ARHGAP31: variants seen among roughly 807,000 people sequenced by gnomAD.
ARHGAP31 encodes the protein Rho GTPase activating protein 31.
Under a neutral mutation model 113.9 loss-of-function variants are expected in ARHGAP31, and 34 were observed. That is an observed-to-expected ratio of 0.30 (90% CI 0.23 to 0.40). ARHGAP31 has a LOEUF of 0.40. ARHGAP31 is among the 10% of genes least tolerant of loss of function. The probability of loss-of-function intolerance (pLI) is 1.00; values close to 1 mark genes in which losing one functional copy is unlikely to be tolerated. For missense variants in ARHGAP31, 1,548 were observed against 1,767.1 expected (o/e 0.88, Z 2.22); for synonymous variants, 650 against 684.8 (o/e 0.95, Z 0.79).
At position 119,420,644 on chromosome 3, in the gene ARHGAP31, C is replaced by T. The variant is rs1488139196; in HGVS notation, c.*4380C>T. ...GTATTTTACTGGATAAATCACAATG[C>T]TTTGCAATAACTTAATGTCATAGTA... On this transcript the variant is annotated 3_prime_UTR_variant, in exon 12 of 12. Transcript: ENST00000264245. 1 of 152,182 alleles carries T rather than the reference C, an allele frequency of 6.6e-6. No individual in the cohort carries two copies. Among genetic ancestry groups the T allele is most frequent in the Non-Finnish European group, 1.5e-5 (1 of 68,028 alleles). The allele number at this position is 152,182 out of a possible 1,614,324, so 9.4% of individuals were successfully genotyped here.
At chr3:119,330,087 A>G (rs552611924) in intron 1 of ARHGAP31, 3 of 867,666 alleles carry the variant, frequency 3.5e-6, no homozygotes, top group Non-Finnish European at 2.8e-6. Flanking sequence ...GTTTGAACTG[A>G]TCTAATCACC....
intron 1 of ARHGAP31, among the ~76,000 whole-genome samples, chr3:119,331,935 G>A (rs1225580056): frequency 6.6e-6 from 1 of 152,116 alleles, no homozygotes; most frequent in Non-Finnish European, 1.5e-5. Flanking sequence ...CTTAGGTGAA[G>A]AGCTCCACGG....
At chr3:119,363,166 T>C (rs1408245976) in intron 1 of ARHGAP31, among the ~76,000 whole-genome samples, 6 of 152,084 alleles carry the variant, frequency 3.9e-5, no homozygotes, top group Admixed American at 3.3e-4. Context: ...TGAGGTGTGG[T>C]GGGGAAAGAG....
intron 6 of ARHGAP31, among the ~76,000 whole-genome samples, chr3:119,388,270 G>A (rs985598866): frequency 7.6e-6 from 1 of 130,790 alleles, no homozygotes; most frequent in Admixed American, 7.4e-5. Context: ...ACACACAGTG[G>A]CATATATGTA....
At chr3:119,340,334 G>T (rs1204159218) in intron 1 of ARHGAP31, among the ~76,000 whole-genome samples, 2 of 152,200 alleles carry the variant, frequency 1.3e-5, no homozygotes, top group African/African-American at 4.8e-5. Context: ...TGATGCCAAT[G>T]GCTGTCTCTT....
chr3:119,354,486 GTGTGTGTGTGTGTGTGTGTGGTTTTTA>G (rs1389563834), intron 1 of ARHGAP31, among the ~76,000 whole-genome samples: 2 of 151,056 alleles, frequency 1.3e-5, no homozygotes, highest in African/African-American at 4.9e-5. Context: ...TTGTGTGTGT[GTGTGTGTGTGTGTGTGTGTGGTTTTTA>G]TGTGTGTGTG....
At chr3:119,322,207 T>C (rs531773084) in intron 1 of ARHGAP31, among the ~76,000 whole-genome samples, 1 of 152,212 alleles carries the variant, frequency 6.6e-6, no homozygotes, top group Non-Finnish European at 1.5e-5. Flanking sequence ...TGGGGGTTAA[T>C]TACTGATTCA....
At position 119,363,573 on chromosome 3, in the gene ARHGAP31, T is replaced by C. The variant is rs61261775; in HGVS notation, c.101-1743T>C. 8.2e-3 allele frequency among the ~76,000 whole-genome samples: 1,250 copies of C among 152,220 alleles called. 39 individuals carry two copies. In the East Asian group the frequency reaches 0.11, roughly 13 times the overall value. ...TTGAGAGGCAGCAGAATAAGTATGG[T>C]GAACTTTATTGAGCACTTAAAATTA... On this transcript the variant is annotated intron_variant, in intron 1 of 11. Transcript: ENST00000264245.
At chr3:119,412,164 G>A (rs567171374) in intron 11 of ARHGAP31, among the ~76,000 whole-genome samples, 34 of 152,184 alleles carry the variant, frequency 2.2e-4, no homozygotes, top group African/African-American at 2.9e-4. Context: ...TGAGGCGGGC[G>A]GATCACCTGA....
intron 1 of ARHGAP31, among the ~76,000 whole-genome samples, chr3:119,329,236 G>A (rs2079870861): frequency 6.6e-6 from 1 of 152,174 alleles, no homozygotes; most frequent in Admixed American, 6.5e-5. Context: ...GTGGCCAATG[G>A]CCACCAAGTT....
intron 1 of ARHGAP31, chr3:119,324,980 T>G: frequency 2.2e-6 from 1 of 456,744 alleles, no homozygotes; most frequent in South Asian, 1.5e-5. Flanking sequence ...GCAGTACTCC[T>G]CATGTCAATA....
intron 11 of ARHGAP31, among the ~76,000 whole-genome samples, chr3:119,412,283 G>C (rs915564774): frequency 2.6e-5 from 4 of 152,042 alleles, no homozygotes; most frequent in African/African-American, 4.8e-5. Flanking sequence ...AGCTACTTGG[G>C]AGGCTGAGGC....
intron 8 of ARHGAP31, among the ~76,000 whole-genome samples, chr3:119,393,811 A>G (rs2080525026): frequency 6.6e-6 from 1 of 152,220 alleles, no homozygotes; most frequent in African/African-American, 2.4e-5. Context: ...AGCTTCTCCC[A>G]ATGTTAACAT....
intron 1 of ARHGAP31, among the ~76,000 whole-genome samples, chr3:119,364,388 T>G (rs919222157): frequency 3.9e-5 from 6 of 152,220 alleles, no homozygotes; most frequent in Non-Finnish European, 5.9e-5. Context: ...ATATTCAATT[T>G]GTTGAAGATT....
At chr3:119,329,831 G>T (rs995163924) in intron 1 of ARHGAP31, 8 of 985,376 alleles carry the variant, frequency 8.1e-6, no homozygotes, top group Non-Finnish European at 6.0e-6. Flanking sequence ...AGAGGAGTCT[G>T]TCCGCACTGT....
At chr3:119,310,046 T>C (rs1302611201) in intron 1 of ARHGAP31, among the ~76,000 whole-genome samples, 1 of 151,924 alleles carries the variant, frequency 6.6e-6, no homozygotes, top group Non-Finnish European at 1.5e-5. Flanking sequence ...ACATAGCTGG[T>C]ACTTGGCAAA....
Position 119,368,446 on chromosome 3 carries a change from C to T in ARHGAP31, c.278C>T (p.Ser93Leu). ...VYLQDIHCVG[S>L]LCKLYFRELP... ...CTCCAGGACATCCACTGTGTGGGCT[C>T]GCTTTGCAAGCTCTACTTTAGGGAG... The change falls in exon 3 of 12, where the codon TCG becomes TTG. Residue 93 changes from serine to leucine, a missense_variant. By Grantham distance (145) the Ser-to-Leu change is moderately radical. Transcript: ENST00000264245. 6.2e-7 allele frequency: 1 copy of T among 1,614,076 alleles called. No individual in the cohort carries two copies.
chr3:119,384,340 G>A (rs777923929), intron 6 of ARHGAP31, among the ~76,000 whole-genome samples: 2 of 152,166 alleles, frequency 1.3e-5, no homozygotes, highest in South Asian at 2.1e-4. Context: ...TCACAGAATT[G>A]TACAACCATT....
intron 10 of ARHGAP31, among the ~76,000 whole-genome samples, chr3:119,407,996 T>C (rs1404928083): frequency 6.6e-6 from 1 of 152,152 alleles, no homozygotes; most frequent in Non-Finnish European, 1.5e-5. Flanking sequence ...TAACAGCTAT[T>C]TGCATGGCAT....
Sources: gnomAD v4.1 joint callset for allele counts (sites outside exome capture counted in the v4.1 genomes callset) on GRCh38, gnomAD v4.1.1 for gene constraint, MANE v1.5 for transcripts, NCBI Gene and HGNC (gene_info 2026-07-23, HGNC 2026-07-21) for gene names.